Variants in NPIPB2 observed in about 807,000 individuals in gnomAD.
NPIPB2 encodes the protein nuclear pore complex interacting protein family member B2, also known as nuclear pore complex-interacting protein family member B2.
Under a neutral mutation model 30.8 loss-of-function variants are expected in NPIPB2, and 27 were observed. The observed-to-expected ratio is 0.88, with a 90% CI of 0.65 to 1.21. NPIPB2 has a LOEUF of 1.21. Ranked by LOEUF, NPIPB2 falls within the 50% of genes most tolerant of loss-of-function variation. The pLI, the probability that NPIPB2 is intolerant of heterozygous loss-of-function variation, is 0.00. For synonymous variants in NPIPB2, 147 were observed against 162.0 expected (o/e 0.91, Z 0.70); for missense variants, 440 against 446.2 (o/e 0.99, Z 0.13).
intron 4 of NPIPB2, among the ~76,000 whole-genome samples, chr16:11,931,862 C>A (rs867730711): frequency 5.9e-5 from 9 of 152,232 alleles, no homozygotes; most frequent in Middle Eastern, 6.8e-3. Flanking sequence ...AAGAAGGAAA[C>A]CCAGGACGAA....
At chr16:11,968,017 C>A in intron 1 of NPIPB2, 2 of 724,570 alleles carry the variant, frequency 2.8e-6, no homozygotes, top group Non-Finnish European at 4.3e-6. Flanking sequence ...CTGTTGGGAG[C>A]TTAATGGTAG....
chr16:11,963,081 C>CAAAT (rs1229745591), intron 1 of NPIPB2, among the ~76,000 whole-genome samples: 4 of 151,456 alleles, frequency 2.6e-5, no homozygotes, highest in Admixed American at 2.0e-4. Flanking sequence ...AACAAACAAA[C>CAAAT]AAATAAATAA....
At chr16:11,975,583 G>A (rs1014484876) in intron 1 of NPIPB2, among the ~76,000 whole-genome samples, 4 of 151,398 alleles carry the variant, frequency 2.6e-5, no homozygotes, top group Non-Finnish European at 5.9e-5. Flanking sequence ...ATCCCAGGAA[G>A]AGCCATTTTT....
chr16:11,970,017 A>G (rs951023831), intron 1 of NPIPB2, among the ~76,000 whole-genome samples: 1 of 151,138 alleles, frequency 6.6e-6, no homozygotes, highest in African/African-American at 2.4e-5. Context: ...GCCCGCCACC[A>G]CACCCGGCCT....
chr16:11,959,427 A>T (rs1596504119), intron 1 of NPIPB2, among the ~76,000 whole-genome samples: 1 of 152,082 alleles, frequency 6.6e-6, no homozygotes, highest in Non-Finnish European at 1.5e-5. Context: ...ACAAAAAATT[A>T]AAAAGGAAAA....
At chr16:11,955,384 G>C (rs1316055030) in intron 1 of NPIPB2, among the ~76,000 whole-genome samples, 1 of 150,120 alleles carries the variant, frequency 6.7e-6, no homozygotes, top group Non-Finnish European at 1.5e-5. Context: ...AAAGGTTTCG[G>C]GATTTAGAGA....
chr16:11,958,699 C>T (rs2055133457), intron 1 of NPIPB2, among the ~76,000 whole-genome samples: 1 of 152,140 alleles, frequency 6.6e-6, no homozygotes, highest in African/African-American at 2.4e-5. Context: ...TTTGATCTCA[C>T]CACTGCACTC....
rs746114385 is a variant in NPIPB2, at chr16:11,933,872, G to A, written c.245C>T (p.Thr82Ile). The change falls in exon 3 of 8, where the codon ACA (threonine) becomes ATA (isoleucine). Residue 82 changes from threonine (T) to isoleucine (I), a missense_variant. Thr to Ile is a moderately conservative substitution (Grantham distance 89). Around this residue, in one of 3 missense-constraint regions of NPIPB2, gnomAD observed 252 missense variants for 233.0 expected, o/e 1.08. Transcript: ENST00000399147. ...CCTCCTGGCTCTCTGCTGTACATCT[G>A]TGGATACATCATGTCCATTTTCAGA... The A allele has an allele frequency of 9.4e-5, 148 of 1,568,852 alleles. 2 individuals carry two copies. In the Admixed American group the frequency reaches 2.4e-3, roughly 25 times the overall value.
At chr16:11,936,063 G>T (rs1315395815) in intron 2 of NPIPB2, among the ~76,000 whole-genome samples, 1 of 149,534 alleles carries the variant, frequency 6.7e-6, no homozygotes, top group African/African-American at 2.5e-5. Context: ...CCAGCACTTG[G>T]GGAGGCTGAG....
rs3971885 is a variant in NPIPB2 at position 11,941,797 on chromosome 16, T to G, written c.63+186A>C. 876 of 1,300,658 alleles carry G rather than the reference T, an allele frequency of 6.7e-4. 1 individual carries two copies. The highest frequency in any genetic ancestry group is 8.3e-4 in the Non-Finnish European group (779 of 935,286). 80.6% of individuals were successfully genotyped at this position (1,300,658 alleles called of 1,614,324 possible). A position where few individuals can be genotyped will look rare whatever the true frequency, so the allele number is the denominator to read the frequency against. Reference sequence around the variant, plus strand: ...CCCCTCCCCCATCTCAGTCTCCCACTCTCCTCCCAAGGACAGGTCCTCTCT... The same window carrying G: ...CCCCTCCCCCATCTCAGTCTCCCACGCTCCTCCCAAGGACAGGTCCTCTCT... On this transcript the variant is annotated intron_variant, in intron 1 of 7. Coordinates refer to ENST00000399147, the Ensembl canonical transcript of NPIPB2.
intron 1 of NPIPB2, among the ~76,000 whole-genome samples, chr16:11,951,460 C>A (rs369118380): frequency 3.4e-3 from 167 of 49,764 alleles, no homozygotes; most frequent in Admixed American, 7.2e-3. Context: ...AAGACTGTCT[C>A]AAAAAAAAAA....
chr16:11,965,673 T>A (rs537708909), intron 1 of NPIPB2, among the ~76,000 whole-genome samples: 53 of 152,314 alleles, frequency 3.5e-4, no homozygotes, highest in African/African-American at 1.2e-3. Flanking sequence ...AGATTTTTTT[T>A]AAAAATCAGC....
chr16:11,968,977 T>C (rs2055217766), intron 1 of NPIPB2, among the ~76,000 whole-genome samples: 1 of 151,758 alleles, frequency 6.6e-6, no homozygotes, highest in African/African-American at 2.4e-5. Flanking sequence ...AGCGATTCTC[T>C]TGCCTCAGCC....
At chr16:11,938,007 C>G (rs1209728924) in intron 1 of NPIPB2, among the ~76,000 whole-genome samples, 1 of 152,182 alleles carries the variant, frequency 6.6e-6, no homozygotes, top group Non-Finnish European at 1.5e-5. Context: ...AGCTGATGAT[C>G]TAAAAAAAAC....
chr16:11,942,540 C>T (rs1003929837), upstream of NPIPB2, among the ~76,000 whole-genome samples: 1 of 151,994 alleles, frequency 6.6e-6, no homozygotes, highest in Non-Finnish European at 1.5e-5. Flanking sequence ...CATCTTACTG[C>T]CCGTGTGTGT....
intron 4 of NPIPB2, among the ~76,000 whole-genome samples, chr16:11,931,567 T>G (rs562129046): frequency 6.6e-6 from 1 of 152,156 alleles, no homozygotes. Context: ...GAGAATGCAA[T>G]GGGAGCAGGG....
At chr16:11,968,743 T>C (rs1000739715) in intron 1 of NPIPB2, 1 of 152,198 alleles carries the variant, frequency 6.6e-6, no homozygotes, top group African/African-American at 2.4e-5. Context: ...ACCTCAATCA[T>C]CCTAGCTGAT....
intron 1 of NPIPB2, among the ~76,000 whole-genome samples, chr16:11,960,560 G>A (rs1003568551): frequency 6.6e-6 from 1 of 152,026 alleles, no homozygotes; most frequent in Admixed American, 6.6e-5. Context: ...GTTTCACCAT[G>A]TTGGCCAGGC....
chr16:11,943,966 C>G (rs1199470820), upstream of NPIPB2, among the ~76,000 whole-genome samples: 1 of 107,068 alleles, frequency 9.3e-6, no homozygotes, highest in Non-Finnish European at 1.7e-5. Context: ...CCACTGCACT[C>G]CAGCCTGGGT....
Sources: allele counts gnomAD v4.1 joint callset (sites outside exome capture counted in the v4.1 genomes callset), GRCh38; gene constraint gnomAD v4.1.1; regional missense constraint gnomAD v4.1.1; transcripts MANE v1.5; gene names NCBI Gene and HGNC (gene_info 2026-07-23, HGNC 2026-07-21).